Variants in PADI6 observed in about 807,000 individuals in gnomAD.
The protein encoded by PADI6 is peptidyl arginine deiminase 6.
Under a neutral mutation model 78.2 loss-of-function variants are expected in PADI6, and 66 were observed. That is an observed-to-expected ratio of 0.84 (90% CI 0.69 to 1.04). The LOEUF (loss-of-function observed/expected upper bound fraction) is 1.04, where lower values mean the gene tolerates loss of function less well. Ranked by LOEUF, PADI6 falls within the 50% of genes least tolerant of loss-of-function variation. The pLI is 0.00. For missense variants in PADI6, 854 were observed against 866.1 expected (o/e 0.99, Z 0.18); for synonymous variants, 397 against 346.9 (o/e 1.14, Z -1.60).
chr1:17,400,355 A>G (rs1159968131), intron 15 of PADI6, among the ~76,000 whole-genome samples: 1 of 152,006 alleles, frequency 6.6e-6, no homozygotes, highest in Non-Finnish European at 1.5e-5. Flanking sequence ...CAAAAATACA[A>G]AATTAGCCAG....
intron 12 of PADI6, 89 bp downstream of exon 12, chr1:17,395,196 CTTGT>C (rs1487223135): frequency 3.2e-6 from 4 of 1,241,412 alleles, no homozygotes; most frequent in South Asian, 3.1e-5. Flanking sequence ...CTGGCTTTTT[CTTGT>C]TTTTTTTTTT....
chr1:17,397,981 A>G lies in PADI6; in HGVS notation c.1690-705A>G, dbSNP rs2075262861. Among the ~76,000 whole-genome samples, 5 of 152,170 alleles carry G rather than the reference A, an allele frequency of 3.3e-5. No individual in the cohort carries two copies. The South Asian group carries it at 8.3e-4, about 25-fold the overall frequency. ...GTGGCCCATCACAGCAGTCCCGAGGATGGTGTTCAGGGTCACCAAACTTCA... is the reference window on the plus strand; with the variant it reads ...GTGGCCCATCACAGCAGTCCCGAGGGTGGTGTTCAGGGTCACCAAACTTCA... On this transcript the variant is annotated intron_variant, in intron 14 of 15. Transcript: ENST00000619609.
intron 3 of PADI6, among the ~76,000 whole-genome samples, chr1:17,379,198 C>T (rs1027387499): frequency 4.2e-5 from 6 of 142,442 alleles, no homozygotes; most frequent in South Asian, 2.1e-4. Flanking sequence ...CTGCAGGCTC[C>T]GCCCCCTGGG....
chr1:17,398,654 G>T (rs868066321), intron 14 of PADI6, 32 bp from the exon 15 acceptor site: 5 of 173,472 alleles, frequency 2.9e-5, no homozygotes, highest in South Asian at 1.0e-4. Flanking sequence ...TTGCTCCCCC[G>T]CCCCCCCCCC....
At position 17,401,400 on chromosome 1, in the gene PADI6, G is replaced by T. The variant is rs767598454; in HGVS notation, c.2047G>T (p.Val683Leu). ...CTGTGCCTGTGCCAACATCCGCCGGGTGCCCTTTGCCTTCAAATGGTGGAA... is the reference window on the plus strand; with the variant it reads ...CTGTGCCTGTGCCAACATCCGCCGGTTGCCCTTTGCCTTCAAATGGTGGAA... ...DICACANIRRVPFAFKWWKMV... is the reference protein window; with the variant it reads ...DICACANIRRLPFAFKWWKMV... Residue 683 changes from valine (V) to leucine (L), a missense_variant, in exon 16 of 16, where the codon GTG (valine) becomes TTG (leucine). By Grantham distance (32) the Val-to-Leu change is conservative. Transcript: ENST00000619609. 1.2e-6 allele frequency: 2 copies of T among 1,613,926 alleles called. No homozygotes were observed. The highest frequency in any genetic ancestry group is 1.1e-5 in the South Asian group (1 of 91,084).
In PADI6 at chr1:17,393,755, G is replaced by A. The variant is rs536152260; in HGVS notation, c.1075-220G>A. Among the ~76,000 whole-genome samples the A allele has an allele frequency of 2.3e-4, 35 of 152,166 alleles. No homozygotes were observed. The South Asian group carries it at 6.4e-3, about 28-fold the overall frequency. On this transcript the variant is annotated intron_variant, in intron 9 of 15. Coordinates refer to ENST00000619609, the MANE Select transcript of PADI6 (RefSeq NM_207421.4). ...CACCCAAAGTGCTGGGATTGCAGGCGTGAGCCACCACACCTGGCCATGGAT... is the reference window on the plus strand; with the variant it reads ...CACCCAAAGTGCTGGGATTGCAGGCATGAGCCACCACACCTGGCCATGGAT...
At position 17,381,154 on chromosome 1, in the gene PADI6, C is replaced by T. The variant is rs1448833211; in HGVS notation, c.543C>T (p.Ile181=). The T allele has an allele frequency of 1.2e-6, 2 of 1,601,398 alleles. No individual in the cohort carries two copies. Among genetic ancestry groups the T allele is most frequent in the Non-Finnish European group, 1.7e-6 (2 of 1,174,088 alleles). The change falls in exon 5 of 16, where the codon ATC becomes ATT. Residue 181 remains isoleucine, a synonymous_variant. Transcript: ENST00000619609. The stretch of plus-strand genomic sequence containing the variant: ...AGGACAAGAAAACCAAGAAAGTGAT[C>T]TTTTCAGAGGGTAGGACCTCAGACT... ...QLEDKKTKKV[I]FSEEITNLSQ... is the part of the protein sequence containing the mutation.
chr1:17,396,752 G>A (rs563248056), intron 13 of PADI6, among the ~76,000 whole-genome samples: 1 of 152,348 alleles, frequency 6.6e-6, no homozygotes, highest in Non-Finnish European at 1.5e-5. Context: ...ATTGGCATAA[G>A]GGGAGTAGGG....
At chr1:17,398,996 G>T in intron 15 of PADI6, 149 bp downstream of exon 15, 2 of 898,024 alleles carry the variant, frequency 2.2e-6, no homozygotes, top group South Asian at 1.8e-5. Context: ...CCCCCATCTC[G>T]GTTAGGGACG....
At chr1:17,372,399 A>G in intron 1 of PADI6, 38 bp downstream of exon 1, 3 of 1,584,920 alleles carry the variant, frequency 1.9e-6, no homozygotes, top group Non-Finnish European at 2.6e-6. Context: ...TGGCAGGCAG[A>G]CAGGCAGGCA....
intron 14 of PADI6, 121 bp downstream of exon 14, chr1:17,397,262 C>A: frequency 1.9e-6 from 2 of 1,051,652 alleles, no homozygotes; most frequent in South Asian, 1.5e-5. Context: ...CAGCTGCCTG[C>A]CACCCTTTCT....
chr1:17,375,211 G>C (rs924775297), intron 2 of PADI6, among the ~76,000 whole-genome samples: 1 of 152,188 alleles, frequency 6.6e-6, no homozygotes, highest in Non-Finnish European at 1.5e-5. Flanking sequence ...CTCTCGACAA[G>C]GTTAGGGTTG....
At chr1:17,373,670 T>C (rs1557594456) in intron 2 of PADI6, among the ~76,000 whole-genome samples, 6 of 152,080 alleles carry the variant, frequency 3.9e-5, no homozygotes, top group Admixed American at 3.3e-4. Flanking sequence ...TTTGTATTTT[T>C]AGTATGAGAC....
chr1:17,372,371 T>C lies in PADI6; in HGVS notation c.116+10T>C, dbSNP rs1354186681. The C allele has an allele frequency of 6.2e-7, 1 of 1,611,990 alleles. No individual in the cohort carries two copies. Among genetic ancestry groups the C allele is most frequent in the African/African-American group, 1.3e-5 (1 of 74,990 alleles). On this transcript the variant is annotated intron_variant, in intron 1 of 15. Transcript: ENST00000619609. ...GCTTGGATCTCAGCGGGTGAGATGC[T>C]GGGAGCTCTGCCAGAGGTGGCAGGC...
chr1:17,382,134 C>A (rs773094687), intron 6 of PADI6, 42 bp downstream of exon 6: 1 of 1,604,896 alleles, frequency 6.2e-7, no homozygotes, highest in East Asian at 2.2e-5. Context: ...CTGCTCTCGA[C>A]GTGCCAGGCA....
chr1:17,399,748 A>G (rs1483946613), intron 15 of PADI6, among the ~76,000 whole-genome samples: 1 of 151,006 alleles, frequency 6.6e-6, no homozygotes, highest in South Asian at 2.1e-4. Flanking sequence ...GAAAAAAAAA[A>G]TGCTGGGGCC....
intron 9 of PADI6, 90 bp downstream of exon 9, chr1:17,392,315 A>C (rs2075194786): frequency 1.0e-6 from 1 of 979,306 alleles, no homozygotes; most frequent in Admixed American, 2.3e-5. Context: ...GCTTCTGGTT[A>C]ACCTTAAAGA....
At chr1:17,394,273 C>G (rs2075223080) in intron 10 of PADI6, 27 bp from the exon 11 acceptor site, 12 of 1,608,288 alleles carry the variant, frequency 7.5e-6, no homozygotes, top group Non-Finnish European at 9.4e-6. Flanking sequence ...TACTAACACC[C>G]CTTCCCTGGC....
intron 11 of PADI6, 78 bp from the exon 12 acceptor site, chr1:17,394,873 G>A (rs2075229599): frequency 1.4e-6 from 2 of 1,461,430 alleles, no homozygotes; most frequent in East Asian, 2.5e-5. Flanking sequence ...CTCCCTGGAG[G>A]CAGCATGACA....
Sources: allele counts gnomAD v4.1 joint callset (sites outside exome capture counted in the v4.1 genomes callset), GRCh38; gene constraint gnomAD v4.1.1; transcripts MANE v1.5; gene names NCBI Gene and HGNC (gene_info 2026-07-23, HGNC 2026-07-21).